CHIC1: variants seen among roughly 807,000 people sequenced by gnomAD.
CHIC1 encodes cysteine rich hydrophobic domain 1, also known as cysteine-rich hydrophobic domain-containing protein 1.
A neutral mutation model predicts 18.5 loss-of-function variants in CHIC1; 7 were observed. The observed-to-expected ratio is 0.38, with a 90% CI of 0.22 to 0.71. The LOEUF is 0.71. CHIC1 is among the 30% of genes least tolerant of loss of function. The probability of loss-of-function intolerance (pLI) is 0.49; values close to 1 mark genes in which losing one functional copy is unlikely to be tolerated. For synonymous variants in CHIC1, 77 were observed against 73.5 expected (o/e 1.05, Z -0.25); for missense variants, 159 against 176.9 (o/e 0.90, Z 0.57).
intron 3 of CHIC1, among the ~76,000 whole-genome samples, chrX:73,637,299 T>G (rs2057835808): frequency 9.0e-6 from 1 of 110,579 alleles, no homozygotes; most frequent in Non-Finnish European, 1.9e-5. Context: ...TTTTAAGTTT[T>G]TTTTTTTTTT....
At chrX:73,655,285 T>C (rs954865370) in intron 3 of CHIC1, among the ~76,000 whole-genome samples, 5 of 105,820 alleles carry the variant, frequency 4.7e-5, no homozygotes, top group South Asian at 4.2e-4. Flanking sequence ...TGTGTGTGCG[T>C]GTGTGTGTGT....
chrX:73,682,233 A>T lies in CHIC1; in HGVS notation c.*1228A>T, dbSNP rs1339386099. On this transcript the variant is annotated 3_prime_UTR_variant, in exon 6 of 6. Transcript: ENST00000373502. The stretch of plus-strand genomic sequence containing the variant: ...ACAAGTGTTTAGACAAAAGTATTTT[A>T]GTTTATAAATTCAGCACATATGTAA... 1 of 112,041 alleles carries T rather than the reference A, an allele frequency of 8.9e-6. No homozygotes were observed. Among genetic ancestry groups the T allele is most frequent in the East Asian group, 2.8e-4 (1 of 3,577 alleles). 9.2% of individuals were successfully genotyped at this position (112,041 alleles called of 1,213,427 possible).
chrX:73,654,368 A>G (rs1209333550), intron 3 of CHIC1, among the ~76,000 whole-genome samples: 1 of 111,574 alleles, frequency 9.0e-6, no homozygotes, highest in Non-Finnish European at 1.9e-5. Context: ...CTATCCTTAC[A>G]TTCCTGGGAT....
intron 3 of CHIC1, among the ~76,000 whole-genome samples, chrX:73,672,980 A>G: frequency 8.9e-6 from 1 of 112,020 alleles, no homozygotes; most frequent in Non-Finnish European, 1.9e-5. Context: ...AGCTTTCTAC[A>G]TATGGCTAGC....
rs758297748 is a variant in CHIC1 at position 73,671,168 on chromosome X, T to C, written c.508-8158T>C. On this transcript the variant is annotated intron_variant, in intron 3 of 5. Coordinates refer to ENST00000373502, the MANE Select transcript of CHIC1 (RefSeq NM_001039840.4). ...AGGTTTCTGCTGAGAAATCTCCTGT[T>C]AGTTGATGTGAATTCCCTTATATGT... Among the ~76,000 whole-genome samples, 7 of 111,972 alleles carry C rather than the reference T, an allele frequency of 6.3e-5. No individual in the cohort carries two copies. In the East Asian group the frequency reaches 2.0e-3, roughly 31 times the overall value.
chrX:73,674,712 G>C, intron 3 of CHIC1, among the ~76,000 whole-genome samples: 1 of 111,033 alleles, frequency 9.0e-6, no homozygotes, highest in Admixed American at 9.5e-5. Context: ...TTTTTTGAAG[G>C]GTTTTTTGTG....
intron 3 of CHIC1, among the ~76,000 whole-genome samples, chrX:73,599,965 G>A (rs1230575160): frequency 1.0e-5 from 1 of 96,834 alleles, no homozygotes; most frequent in Non-Finnish European, 2.0e-5. Flanking sequence ...CTACCCATGA[G>A]CATGGAATGT....
intron 3 of CHIC1, among the ~76,000 whole-genome samples, chrX:73,644,180 C>T (rs748595955): frequency 3.4e-4 from 38 of 112,191 alleles, no homozygotes; most frequent in African/African-American, 1.2e-3. Context: ...TGCAGAACAG[C>T]GGTGGCTGTA....
chrX:73,566,905 A>T (rs1717839380), intron 1 of CHIC1, among the ~76,000 whole-genome samples: 1 of 112,166 alleles, frequency 8.9e-6, no homozygotes. Flanking sequence ...ATAGTGCAGC[A>T]TAAGGAGACA....
chrX:73,628,296 C>T (rs931344117), intron 3 of CHIC1, among the ~76,000 whole-genome samples: 2 of 111,786 alleles, frequency 1.8e-5, no homozygotes, highest in South Asian at 7.5e-4. Flanking sequence ...CTCCAGCTGG[C>T]GTCTCAGCAT....
At chrX:73,673,595 T>C (rs1052233316) in intron 3 of CHIC1, among the ~76,000 whole-genome samples, 2 of 112,125 alleles carry the variant, frequency 1.8e-5, no homozygotes, top group African/African-American at 6.5e-5. Context: ...TGTACATTGA[T>C]TTTGTATCCT....
intron 2 of CHIC1, among the ~76,000 whole-genome samples, chrX:73,581,135 A>T (rs1282050895): frequency 9.0e-6 from 1 of 110,533 alleles, no homozygotes; most frequent in Non-Finnish European, 1.9e-5. Flanking sequence ...GGGGATTGTA[A>T]GCAATAAAAA....
chrX:73,607,832 A>T (rs2057690251), intron 3 of CHIC1, among the ~76,000 whole-genome samples: 2 of 107,391 alleles, frequency 1.9e-5, no homozygotes, highest in Non-Finnish European at 3.8e-5. Context: ...CTGTCTAACC[A>T]GTCCAGTGAG....
intron 3 of CHIC1, among the ~76,000 whole-genome samples, chrX:73,655,526 G>GTA (rs1233578164): frequency 1.4e-5 from 1 of 69,558 alleles, no homozygotes; most frequent in African/African-American, 6.9e-5. Flanking sequence ...ACAATATTGT[G>GTA]TATATATATA....
chrX:73,666,968 A>G lies in CHIC1; in HGVS notation c.508-12358A>G, dbSNP rs2058007226. On this transcript the variant is annotated intron_variant, in intron 3 of 5. Transcript: ENST00000373502. ...CAGTGGGGTGTTAAAGTCTTTCACT[A>G]TTATTGTGTGGGAGTCTAAGCATTT... Among the ~76,000 whole-genome samples the G allele has an allele frequency of 4.5e-5, 5 of 111,553 alleles. No individual in the cohort carries two copies. The South Asian group carries it at 1.9e-3, about 42-fold the overall frequency.
intron 3 of CHIC1, among the ~76,000 whole-genome samples, chrX:73,662,947 A>G (rs989215694): frequency 3.6e-5 from 4 of 112,221 alleles, no homozygotes; most frequent in Admixed American, 1.9e-4. Context: ...AGGACTGTTC[A>G]GCATTCCTTG....
chrX:73,644,774 G>A (rs1416585915), intron 3 of CHIC1, among the ~76,000 whole-genome samples: 1 of 110,548 alleles, frequency 9.0e-6, no homozygotes. Context: ...AATTTTCCAG[G>A]TGCCGTCTGT....
intron 3 of CHIC1, among the ~76,000 whole-genome samples, chrX:73,615,939 G>A (rs1161638634): frequency 9.0e-6 from 1 of 111,270 alleles, no homozygotes; most frequent in Non-Finnish European, 1.9e-5. Context: ...GCTACGTGGT[G>A]GGTTTGCTGC....
intron 3 of CHIC1, among the ~76,000 whole-genome samples, chrX:73,644,670 A>G (rs1191170657): frequency 8.9e-6 from 1 of 112,739 alleles, no homozygotes; most frequent in East Asian, 2.8e-4. Flanking sequence ...CCATGGGCGT[A>G]GGACCCTCCA....
Sources: gnomAD v4.1 joint callset for allele counts (sites outside exome capture counted in the v4.1 genomes callset) on GRCh38, gnomAD v4.1.1 for gene constraint, MANE v1.5 for transcripts, NCBI Gene and HGNC (gene_info 2026-07-23, HGNC 2026-07-21) for gene names.